ZFHX3: variants seen among roughly 807,000 people sequenced by gnomAD.
ZFHX3 encodes the protein zinc finger homeobox protein 3.
ZFHX3 carries 42 observed loss-of-function variants against 279.1 expected under a neutral mutation model. That is an observed-to-expected ratio of 0.15 (90% confidence interval 0.12 to 0.19). The LOEUF (loss-of-function observed/expected upper bound fraction) is 0.19. ZFHX3 is among the 10% of genes least tolerant of loss of function. The pLI, the probability that ZFHX3 is intolerant of heterozygous loss-of-function variation, is 1.00. For missense variants in ZFHX3, 4,981 were observed against 4,754.0 expected (o/e 1.05, Z -1.40); for synonymous variants, 2,293 against 1,957.8 (o/e 1.17, Z -4.52).
At chr16:73,536,654 A>T (rs1234176738) in intron 2 of ZFHX3, among the ~76,000 whole-genome samples, 1 of 152,184 alleles carries the variant, frequency 6.6e-6, no homozygotes, top group Non-Finnish European at 1.5e-5. Context: ...GTGCCACCTA[A>T]AATGATACCC....
intron 3 of ZFHX3, among the ~76,000 whole-genome samples, chr16:73,416,244 G>T (rs745446475): frequency 2.0e-5 from 3 of 152,076 alleles, no homozygotes; most frequent in Non-Finnish European, 4.4e-5. Context: ...ATCACTGTAG[G>T]CATTTTTATT....
At chr16:72,983,162 C>G (rs16971465) in intron 1 of ZFHX3, among the ~76,000 whole-genome samples, 19,172 of 152,196 alleles carry the variant, frequency 0.13, 1,418 homozygotes, top group African/African-American at 0.2. Flanking sequence ...CCTGTTCCTA[C>G]CGTGATAGAA....
intron 2 of ZFHX3, among the ~76,000 whole-genome samples, chr16:73,595,436 T>G (rs569011644): frequency 7.2e-5 from 11 of 152,292 alleles, no homozygotes; most frequent in Middle Eastern, 3.4e-3. Flanking sequence ...AAACAGTATC[T>G]TCCCTTGGCT....
At chr16:73,382,705 A>G (rs980634657) in intron 3 of ZFHX3, among the ~76,000 whole-genome samples, 2 of 152,220 alleles carry the variant, frequency 1.3e-5, no homozygotes, top group Non-Finnish European at 2.9e-5. Context: ...ATACCCCGCT[A>G]TGGAATCTAG....
chr16:73,753,986 A>ATGTGTGTGTGTGTGTGTGTGTG (rs1310925312), intron 1 of ZFHX3, among the ~76,000 whole-genome samples: 8,857 of 147,284 alleles, frequency 0.06, 324 homozygotes, highest in Middle Eastern at 0.09. Flanking sequence ...GTAAGAATCA[A>ATGTGTGTGTGTGTGTGTGTGTG]TGTGTGTGTG....
chr16:73,690,195 G>A (rs1239461141), intron 1 of ZFHX3, among the ~76,000 whole-genome samples: 3 of 152,056 alleles, frequency 2.0e-5, no homozygotes, highest in Admixed American at 1.3e-4. Flanking sequence ...GGGATTACAC[G>A]TGGACATACA....
intron 1 of ZFHX3, among the ~76,000 whole-genome samples, chr16:73,793,510 T>A (rs1245859772): frequency 6.6e-6 from 1 of 152,248 alleles, no homozygotes; most frequent in East Asian, 1.9e-4. Context: ...CTCCTTGCAA[T>A]AAAAAGCACT....
chr16:73,418,653 C>A (rs558143109), intron 3 of ZFHX3, among the ~76,000 whole-genome samples: 1 of 152,292 alleles, frequency 6.6e-6, no homozygotes, highest in South Asian at 2.1e-4. Flanking sequence ...GTTAGTGATA[C>A]ATTTGCAGAA....
intron 4 of ZFHX3, among the ~76,000 whole-genome samples, chr16:73,265,033 T>TATATATA (rs766121124): frequency 1.2e-4 from 18 of 150,020 alleles, no homozygotes; most frequent in Non-Finnish European, 2.5e-4. Flanking sequence ...TATATATATA[T>TATATATA]AACACCTCAG....
At chr16:72,893,560 A>G (rs567057084) in intron 3 of ZFHX3, among the ~76,000 whole-genome samples, 1 of 89,284 alleles carries the variant, frequency 1.1e-5, no homozygotes, top group African/African-American at 3.9e-5. Context: ...TGGATATGAT[A>G]AAAGATATTC....
chr16:73,267,556 A>G (rs1044168673), intron 4 of ZFHX3, among the ~76,000 whole-genome samples: 9 of 152,184 alleles, frequency 5.9e-5, no homozygotes, highest in African/African-American at 1.7e-4. Context: ...ACGAGCCTCA[A>G]TGACATCCGG....
In ZFHX3 at chr16:72,795,959, G is replaced by A; in HGVS notation, c.6723C>T (p.Ser2241=). ...PEPPKQEYWG[S]KRSSRTRFTD... The stretch of plus-strand genomic sequence containing the variant: ...TAAACCTTGTTCTTGAAGACCTCTT[G>A]CTTCCCCAGTACTCCTGCTTTGGAG... The change falls in exon 9 of 10, where the codon AGC becomes AGT. Residue 2241 remains serine (S), a synonymous_variant. Transcript: ENST00000268489. 6.2e-7 allele frequency: 1 copy of A among 1,614,148 alleles called. No individual in the cohort carries two copies. Among genetic ancestry groups the A allele is most frequent in the Non-Finnish European group, 8.5e-7 (1 of 1,180,036 alleles).
chr16:73,413,246 A>G (rs979841766), intron 3 of ZFHX3, among the ~76,000 whole-genome samples: 15 of 152,358 alleles, frequency 9.8e-5, no homozygotes, highest in Middle Eastern at 3.4e-3. Flanking sequence ...GGGATTCCCC[A>G]GGCATTCCAG....
chr16:73,480,881 A>G (rs2018853496), intron 2 of ZFHX3, among the ~76,000 whole-genome samples: 1 of 152,214 alleles, frequency 6.6e-6, no homozygotes, highest in Non-Finnish European at 1.5e-5. Context: ...CCCTCAGGGT[A>G]TCAAGTTTAA....
chr16:73,841,554 C>G (rs1961309352), intron 1 of ZFHX3, among the ~76,000 whole-genome samples: 1 of 152,046 alleles, frequency 6.6e-6, no homozygotes, highest in African/African-American at 2.4e-5. Flanking sequence ...AGCAGGGCAC[C>G]TAGCAACCAG....
At chr16:73,630,722 T>G (rs1174379701) in intron 2 of ZFHX3, among the ~76,000 whole-genome samples, 1 of 152,202 alleles carries the variant, frequency 6.6e-6, no homozygotes, top group African/African-American at 2.4e-5. Context: ...ACTCATAAAC[T>G]GGCAGAGAAA....
At chr16:73,696,814 C>T (rs2053201888) in intron 1 of ZFHX3, among the ~76,000 whole-genome samples, 1 of 152,120 alleles carries the variant, frequency 6.6e-6, no homozygotes, top group African/African-American at 2.4e-5. Flanking sequence ...TATCTTTAGT[C>T]TTCCCTGAGA....
intron 3 of ZFHX3, among the ~76,000 whole-genome samples, chr16:73,373,599 A>G (rs2016671079): frequency 6.6e-6 from 1 of 152,226 alleles, no homozygotes; most frequent in Non-Finnish European, 1.5e-5. Flanking sequence ...CCAAAGAAAA[A>G]TGAAAGCAGA....
At position 73,008,984 on chromosome 16, in the gene ZFHX3, G is replaced by C. The variant is rs1434608920; in HGVS notation, c.-50+38768C>G. Reference sequence around the variant, plus strand: ...AAAAAGCTTAATGAGGTTCCAACTGGGCTATTTTGAAACCTAAATGTCAGG... The same window carrying C: ...AAAAAGCTTAATGAGGTTCCAACTGCGCTATTTTGAAACCTAAATGTCAGG... On this transcript the variant is annotated intron_variant, in intron 1 of 9. Coordinates refer to ENST00000268489, the MANE Select transcript of ZFHX3 (RefSeq NM_006885.4). Among the ~76,000 whole-genome samples, 5 of 151,916 alleles carry C rather than the reference G, an allele frequency of 3.3e-5. No homozygotes were observed. In the East Asian group the frequency reaches 9.6e-4, roughly 29 times the overall value.
Sources: gnomAD v4.1 joint callset for allele counts (sites outside exome capture counted in the v4.1 genomes callset) on GRCh38, gnomAD v4.1.1 for gene constraint, MANE v1.5 for transcripts, NCBI Gene and HGNC (gene_info 2026-07-23, HGNC 2026-07-21) for gene names.